The following PPP1R1C variants were observed in gnomAD, a reference collection of about 807,000 sequenced individuals.
PPP1R1C encodes protein phosphatase 1 regulatory subunit 1C.
Under a neutral mutation model 17.4 loss-of-function variants are expected in PPP1R1C, and 15 were observed. The ratio of observed to expected loss-of-function variants is 0.86; its 90% confidence interval spans 0.58 to 1.33. The LOEUF is 1.33. Among genes scored for constraint, PPP1R1C ranks in the 40% most tolerant of loss-of-function variants. PPP1R1C has a pLI of 0.00. For missense variants in PPP1R1C, 143 were observed against 130.0 expected (o/e 1.10, Z -0.48); for synonymous variants, 35 against 43.1 (o/e 0.81, Z 0.73).
chr2:182,124,954 G>T (rs927689352), intron 5 of PPP1R1C, among the ~76,000 whole-genome samples: 2 of 152,110 alleles, frequency 1.3e-5, no homozygotes, highest in African/African-American at 4.8e-5. Flanking sequence ...GTGAGAGGGG[G>T]CATCCTTGTC....
intron 2 of PPP1R1C, among the ~76,000 whole-genome samples, chr2:182,008,263 T>C (rs1463404785): frequency 6.6e-6 from 1 of 152,118 alleles, no homozygotes; most frequent in African/African-American, 2.4e-5. Flanking sequence ...ACAGACTCAA[T>C]AGTTTCAAAG....
At chr2:182,057,734 T>C (rs1402327146) in intron 2 of PPP1R1C, among the ~76,000 whole-genome samples, 1 of 152,144 alleles carries the variant, frequency 6.6e-6, no homozygotes, top group African/African-American at 2.4e-5. Context: ...TATACCTCTT[T>C]AATTGGCCCT....
intron 2 of PPP1R1C, among the ~76,000 whole-genome samples, chr2:182,043,345 G>A (rs1687242205): frequency 1.3e-5 from 2 of 151,982 alleles, no homozygotes; most frequent in Admixed American, 1.3e-4. Flanking sequence ...CTGAAATATG[G>A]TTATTATATA....
chr2:182,112,322 A>G (rs1301138075), intron 4 of PPP1R1C, among the ~76,000 whole-genome samples: 2 of 152,134 alleles, frequency 1.3e-5, no homozygotes, highest in African/African-American at 4.8e-5. Context: ...GTTTTATCCT[A>G]GGAGTGTTCC....
chr2:182,054,247 T>C (rs964747227), intron 2 of PPP1R1C, among the ~76,000 whole-genome samples: 10 of 152,226 alleles, frequency 6.6e-5, no homozygotes, highest in Non-Finnish European at 1.0e-4. Context: ...CAGGTTCCTT[T>C]CACTGAGTTT....
intron 2 of PPP1R1C, among the ~76,000 whole-genome samples, chr2:182,042,136 A>C (rs577219546): frequency 6.6e-6 from 1 of 152,296 alleles, no homozygotes; most frequent in African/African-American, 2.4e-5. Flanking sequence ...TCACTGAAGA[A>C]GGTTTTCTGG....
At chr2:181,956,487 G>A (rs1684672019) in intron 1 of PPP1R1C, among the ~76,000 whole-genome samples, 1 of 152,198 alleles carries the variant, frequency 6.6e-6, no homozygotes, top group Non-Finnish European at 1.5e-5. Context: ...TGCCACAATG[G>A]TTGAACTAAT....
downstream of PPP1R1C, among the ~76,000 whole-genome samples, chr2:182,119,653 C>T (rs1308387887): frequency 1.3e-5 from 2 of 152,114 alleles, no homozygotes; most frequent in Admixed American, 6.5e-5. Flanking sequence ...TCTCTGATGG[C>T]CAGTGATGAT....
At position 181,962,282 on chromosome 2, in the gene PPP1R1C, C is replaced by T. The variant is rs1684813032; in HGVS notation, n.111+7648C>T. ...CATTCCTGCCAGACCCCCGGCCATC[C>T]CCGCGGCCAGGTCCCCGGACCCCAT... On this transcript the variant is annotated intron_variant and non_coding_transcript_variant, in intron 1 of 5. Coordinates refer to the PPP1R1C transcript ENST00000464264. The surrounding 1 kb of genome is among the most constrained non-coding windows in gnomAD (Gnocchi z 6.0). The T allele has an allele frequency of 9.4e-6, 7 of 744,296 alleles. No homozygotes were observed. Among genetic ancestry groups the T allele is most frequent in the Non-Finnish European group, 1.6e-5 (7 of 424,448 alleles). The allele number at this position is 744,296 out of a possible 1,614,324, so 46.1% of individuals were successfully genotyped here.
In PPP1R1C at chr2:181,967,033, G is replaced by A. The variant is rs771285579; in HGVS notation, n.112-8186G>A. On this transcript the variant is annotated intron_variant and non_coding_transcript_variant, in intron 1 of 5. Transcript: ENST00000464264. The surrounding 1 kb of genome is among the most constrained non-coding windows in gnomAD (Gnocchi z 5.5). The stretch of plus-strand genomic sequence containing the variant: ...TTTTAAACTTCTTCAGTCTTGGTAG[G>A]TTGTAGGTGTCTAGGAATTCATCCA... Among the ~76,000 whole-genome samples the A allele has an allele frequency of 3.9e-5, 6 of 152,020 alleles. No individual in the cohort carries two copies. The highest frequency in any genetic ancestry group is 8.8e-5 in the Non-Finnish European group (6 of 67,972).
At chr2:181,968,531 C>A (rs1296114548) in intron 1 of PPP1R1C, among the ~76,000 whole-genome samples, 2 of 152,038 alleles carry the variant, frequency 1.3e-5, no homozygotes, top group Non-Finnish European at 2.9e-5. Flanking sequence ...ATTTTGGTTT[C>A]CATTTACATG....
chr2:182,078,398 C>A (rs528739946), intron 4 of PPP1R1C, among the ~76,000 whole-genome samples: 1 of 152,212 alleles, frequency 6.6e-6, no homozygotes, highest in African/African-American at 2.4e-5. Context: ...ACAACCGTAA[C>A]CAAAGTGAGC....
At chr2:181,978,129 A>T (rs533230215) in intron 2 of PPP1R1C, among the ~76,000 whole-genome samples, 1 of 152,292 alleles carries the variant, frequency 6.6e-6, no homozygotes, top group South Asian at 2.1e-4. Context: ...AGTCCCAGTT[A>T]TAAAACCATC....
chr2:182,089,065 G>T (rs543613538), intron 4 of PPP1R1C, among the ~76,000 whole-genome samples: 1 of 152,252 alleles, frequency 6.6e-6, no homozygotes, highest in African/African-American at 2.4e-5. Context: ...CTGGCCCTGT[G>T]CAGGACCACC....
intron 2 of PPP1R1C, among the ~76,000 whole-genome samples, chr2:182,055,727 G>A (rs758539548): frequency 2.0e-5 from 3 of 152,182 alleles, no homozygotes; most frequent in African/African-American, 4.8e-5. Context: ...TTTCTCATGA[G>A]AAATTATGCT....
chr2:182,008,252 G>A (rs1685988334), intron 2 of PPP1R1C, among the ~76,000 whole-genome samples: 1 of 152,088 alleles, frequency 6.6e-6, no homozygotes, highest in Non-Finnish European at 1.5e-5. Flanking sequence ...GGTAGAGAGG[G>A]ACAGACTCAA....
At chr2:182,018,891 TGA>T (rs1686336174) in intron 2 of PPP1R1C, among the ~76,000 whole-genome samples, 1 of 152,024 alleles carries the variant, frequency 6.6e-6, no homozygotes, top group African/African-American at 2.4e-5. Flanking sequence ...ATGAGGATGA[TGA>T]GAGAGTCAAG....
At chr2:181,956,579 A>T (rs1559036949) in intron 1 of PPP1R1C, among the ~76,000 whole-genome samples, 1 of 152,154 alleles carries the variant, frequency 6.6e-6, no homozygotes, top group Non-Finnish European at 1.5e-5. Context: ...CTTTTTAATG[A>T]TCGCCATTCT....
intron 2 of PPP1R1C, among the ~76,000 whole-genome samples, chr2:182,040,251 C>G (rs1687141819): frequency 1.3e-5 from 2 of 152,218 alleles, no homozygotes; most frequent in African/African-American, 4.8e-5. Flanking sequence ...AAAGGTTGCA[C>G]TAGTTTACAT....
Sources: gnomAD v4.1 joint callset for allele counts (sites outside exome capture counted in the v4.1 genomes callset) on GRCh38, gnomAD v4.1.1 for gene constraint, Gnocchi (gnomAD v3.1) non-coding constraint, MANE v1.5 for transcripts, NCBI Gene and HGNC (gene_info 2026-07-23, HGNC 2026-07-21) for gene names.